Variants in ACSF3 observed in about 807,000 individuals in gnomAD.
The protein encoded by ACSF3 is acyl-CoA synthetase family member 3.
In ACSF3, 78 loss-of-function variants were observed where a neutral mutation model predicts 53.2. The observed-to-expected ratio is 1.47, with a 90% CI of 1.22 to 1.77. The LOEUF is 1.77. Ranked by LOEUF, ACSF3 falls within the 40% of genes most tolerant of loss-of-function variation. The probability of loss-of-function intolerance (pLI) is 0.00; values close to 1 mark genes in which losing one functional copy is unlikely to be tolerated. For missense variants in ACSF3, 937 were observed against 771.1 expected, an observed-to-expected ratio of 1.22 and a Z score of -2.55; for synonymous variants, 414 against 333.1, an observed-to-expected ratio of 1.24 and a Z score of -2.65.
At chr16:89,134,157 C>T (rs1010908729) in intron 8 of ACSF3, among the ~76,000 whole-genome samples, 17 of 152,208 alleles carry the variant, frequency 1.1e-4, no homozygotes, top group Admixed American at 7.8e-4. Flanking sequence ...AAGATGGTAG[C>T]GGGCAGCTTC....
chr16:89,126,516 G>A (rs536799744), intron 7 of ACSF3, among the ~76,000 whole-genome samples: 11 of 152,208 alleles, frequency 7.2e-5, no homozygotes, highest in South Asian at 2.1e-4. Flanking sequence ...TGATCTGCCC[G>A]CCTCGGCCTC....
At chr16:89,100,197 GTC>G (rs1326458907) in intron 2 of ACSF3, among the ~76,000 whole-genome samples, 9 of 152,266 alleles carry the variant, frequency 5.9e-5, no homozygotes, top group Non-Finnish European at 1.0e-4. Context: ...TGTGGGAAGG[GTC>G]TGAGAGAGGC....
chr16:89,137,852 C>T (rs1910947340), intron 8 of ACSF3, among the ~76,000 whole-genome samples: 1 of 152,212 alleles, frequency 6.6e-6, no homozygotes, highest in African/African-American at 2.4e-5. Flanking sequence ...ATGGGCACCA[C>T]TGCCGGGCAC....
At position 89,100,674 on chromosome 16, in the gene ACSF3, T is replaced by A. The variant is rs1210097201; in HGVS notation, c.-8T>A. ...TGCCTTTCTCCAGCTCGGCCGCCTG[T>A]CAGTGCAATGCTGCCCCATGTGGTG... On this transcript the variant is annotated 5_prime_UTR_variant, in exon 3 of 11. Transcript: ENST00000614302. 12 of 1,480,126 alleles carry A rather than the reference T, an allele frequency of 8.1e-6. No homozygotes were observed. The highest frequency in any genetic ancestry group is 1.1e-5 in the South Asian group (1 of 87,980). 91.7% of individuals were successfully genotyped at this position (1,480,126 alleles called of 1,614,324 possible). A position where few individuals can be genotyped will look rare whatever the true frequency, so the allele number is the denominator to read the frequency against.
intron 4 of ACSF3, among the ~76,000 whole-genome samples, chr16:89,108,964 G>A (rs1210171209): frequency 3.3e-5 from 5 of 152,118 alleles, no homozygotes; most frequent in Non-Finnish European, 5.9e-5. Context: ...CGGGCACGGT[G>A]GCTCACACCT....
Position 89,100,997 on chromosome 16 carries a change from G to C in ACSF3, c.316G>C (p.Ala106Pro). The C allele has an allele frequency of 6.2e-7, 1 of 1,613,402 alleles. No homozygotes were observed. Among genetic ancestry groups the C allele is most frequent in the Non-Finnish European group, 8.5e-7 (1 of 1,179,630 alleles). ...GGTCTCCTTCCTATGCGCTAACGAT[G>C]CCTCCTACGTCGTGGCCCAGTGGGC... ...ERVSFLCAND[A>P]SYVVAQWASW... Residue 106 changes from alanine to proline, a missense_variant, in exon 3 of 11, where the codon GCC becomes CCC. Ala to Pro is a conservative substitution (Grantham distance 27). Coordinates refer to ENST00000614302, the MANE Select transcript of ACSF3 (RefSeq NM_001243279.3).
At chr16:89,135,919 C>T (rs537639967) in intron 8 of ACSF3, among the ~76,000 whole-genome samples, 5 of 152,346 alleles carry the variant, frequency 3.3e-5, no homozygotes, top group East Asian at 3.9e-4. Flanking sequence ...GGATTACAGG[C>T]GCCCGCCACC....
chr16:89,147,176 C>G (rs1196166119), intron 10 of ACSF3, among the ~76,000 whole-genome samples: 1 of 83,920 alleles, frequency 1.2e-5, no homozygotes, highest in African/African-American at 4.6e-5. Context: ...GGAGGGTCCA[C>G]AGAGGGAGGG....
intron 6 of ACSF3, among the ~76,000 whole-genome samples, chr16:89,115,752 C>T (rs966361226): frequency 2.6e-5 from 4 of 152,208 alleles, no homozygotes; most frequent in African/African-American, 4.8e-5. Flanking sequence ...GCTGCTCCAG[C>T]GGGCGGTGGT....
chr16:89,146,645 T>C (rs1293607679), intron 10 of ACSF3, among the ~76,000 whole-genome samples: 1 of 152,210 alleles, frequency 6.6e-6, no homozygotes, highest in Admixed American at 6.5e-5. Context: ...GTCATTTCAC[T>C]TTCCCCTCCA....
intron 8 of ACSF3, among the ~76,000 whole-genome samples, chr16:89,134,383 C>T (rs1406424235): frequency 6.6e-6 from 1 of 152,228 alleles, no homozygotes; most frequent in Non-Finnish European, 1.5e-5. Flanking sequence ...CGTGCAGGAA[C>T]AATGGCGAGC....
rs115635918 is a variant in ACSF3, at chr16:89,096,269, G to A, written c.-194+2273G>A. On this transcript the variant is annotated intron_variant, in intron 1 of 10. Coordinates refer to ENST00000614302, the MANE Select transcript of ACSF3 (RefSeq NM_001243279.3). ...GGAAGCCCCTGACTGAACTGCATTT[G>A]TCTGGTGGGCAGTGTCCCTCCACAC... Among the ~76,000 whole-genome samples the A allele has an allele frequency of 5.6e-3, 854 of 152,284 alleles. 11 individuals carry two copies. The highest frequency in any genetic ancestry group is 0.02 in the African/African-American group (819 of 41,554).
chr16:89,124,885 C>T (rs1468314440), intron 7 of ACSF3, among the ~76,000 whole-genome samples: 2 of 152,244 alleles, frequency 1.3e-5, no homozygotes, highest in East Asian at 3.8e-4. Context: ...AGAGGGTCTA[C>T]ATACAGGTTA....
chr16:89,116,789 G>A (rs8053537), intron 6 of ACSF3, among the ~76,000 whole-genome samples: 113,633 of 151,696 alleles, frequency 0.75, 43,067 homozygotes, highest in Non-Finnish European at 0.8. Flanking sequence ...CGGCTCCCGC[G>A]TTAGTCTCAG....
chr16:89,127,166 G>C (rs942586862), intron 7 of ACSF3, among the ~76,000 whole-genome samples: 5 of 151,952 alleles, frequency 3.3e-5, no homozygotes, highest in Admixed American at 2.6e-4. Flanking sequence ...AAGAAATTTT[G>C]GTCTGTAGTT....
At chr16:89,127,274 G>A (rs972209547) in intron 7 of ACSF3, among the ~76,000 whole-genome samples, 4 of 152,052 alleles carry the variant, frequency 2.6e-5, no homozygotes, top group African/African-American at 9.7e-5. Context: ...TTCTGGAAGA[G>A]ATTGTGTAGA....
At chr16:89,106,413 C>T (rs1975992540) in intron 4 of ACSF3, among the ~76,000 whole-genome samples, 1 of 152,120 alleles carries the variant, frequency 6.6e-6, no homozygotes, top group Admixed American at 6.5e-5. Context: ...CTGCCTCAGC[C>T]TCCTGAGTAG....
At chr16:89,144,222 T>G (rs1480575201) in intron 8 of ACSF3, among the ~76,000 whole-genome samples, 1 of 152,230 alleles carries the variant, frequency 6.6e-6, no homozygotes, top group Non-Finnish European at 1.5e-5. Flanking sequence ...TGGTGGTGTC[T>G]GTGTTGAGCT....
rs956677890 is a variant in ACSF3 at position 89,133,061 on chromosome 16, G to A, written c.1240-75G>A. 4.4e-6 allele frequency: 7 copies of A among 1,606,212 alleles called. No homozygotes were observed. In the African/African-American group the frequency reaches 6.7e-5, roughly 15 times the overall value. ...GTGGGCCCTGGGTGGGCAGGGAGCA[G>A]CCCACAGTTTCAGAAAGCACCAATC... On this transcript the variant is annotated intron_variant, in intron 7 of 10. Coordinates refer to ENST00000614302, the MANE Select transcript of ACSF3 (RefSeq NM_001243279.3).
Sources: allele counts gnomAD v4.1 joint callset (sites outside exome capture counted in the v4.1 genomes callset), GRCh38; gene constraint gnomAD v4.1.1; transcripts MANE v1.5; gene names NCBI Gene and HGNC (gene_info 2026-07-23, HGNC 2026-07-21).